SH3BGRL: variants seen among roughly 807,000 people sequenced by gnomAD.
SH3BGRL encodes the protein SH3 domain binding glutamate rich protein like.
In SH3BGRL, 7 loss-of-function variants were observed where a neutral mutation model predicts 9.8. That is an observed-to-expected ratio of 0.72 (90% CI 0.41 to 1.35). The LOEUF is 1.35. SH3BGRL is among the 40% of genes most tolerant of loss of function. The pLI is 0.01. For missense variants in SH3BGRL, 73 were observed against 84.4 expected (o/e 0.86, Z 0.53); for synonymous variants, 36 against 29.1 (o/e 1.24, Z -0.76).
chrX:81,211,483 A>T (rs1359689411), intron 1 of SH3BGRL, among the ~76,000 whole-genome samples: 1 of 110,565 alleles, frequency 9.0e-6, no homozygotes. Context: ...GCTACTCGGG[A>T]GGCTGAGGCA....
At position 81,258,968 on chromosome X, in the gene SH3BGRL, A is replaced by G. The variant is rs139985573; in HGVS notation, c.46-18016A>G. Among the ~76,000 whole-genome samples, 14 of 112,758 alleles carry G rather than the reference A, an allele frequency of 1.2e-4. No homozygotes were observed. The East Asian group carries it at 3.9e-3, about 32-fold the overall frequency. ...TAGAAAAGTAAAAAGAAAAAAAGCTAATGTTATACACAGTAGACTGGCTCA... is the reference window on the plus strand; with the variant it reads ...TAGAAAAGTAAAAAGAAAAAAAGCTGATGTTATACACAGTAGACTGGCTCA... On this transcript the variant is annotated intron_variant, in intron 1 of 3. Transcript: ENST00000373212.
At chrX:81,241,604 G>A in intron 1 of SH3BGRL, among the ~76,000 whole-genome samples, 1 of 111,854 alleles carries the variant, frequency 8.9e-6, no homozygotes, top group South Asian at 3.8e-4. Context: ...TCTCCTGAGT[G>A]TTCTGTCACT....
chrX:81,203,993 G>T (rs1019192708), intron 1 of SH3BGRL, among the ~76,000 whole-genome samples: 1 of 110,613 alleles, frequency 9.0e-6, no homozygotes, highest in Non-Finnish European at 1.9e-5. Context: ...TCTCACCCTG[G>T]TAGTGGGCGT....
intron 2 of SH3BGRL, 42 bp downstream of exon 2, chrX:81,277,211 C>G (rs936881020): frequency 9.3e-7 from 1 of 1,070,076 alleles, no homozygotes; most frequent in East Asian, 3.1e-5. Flanking sequence ...TAATAGATTG[C>G]CCCAAATCTA....
chrX:81,212,231 CAAAAAAT>C (rs1327857145), intron 1 of SH3BGRL, among the ~76,000 whole-genome samples: 4 of 105,310 alleles, frequency 3.8e-5, no homozygotes, highest in Non-Finnish European at 7.7e-5. Flanking sequence ...CCTGTCTCTA[CAAAAAAT>C]AAAAAATAAA....
intron 1 of SH3BGRL, among the ~76,000 whole-genome samples, chrX:81,225,329 C>T (rs765262039): frequency 2.1e-4 from 23 of 110,399 alleles, no homozygotes; most frequent in Admixed American, 1.9e-3. Flanking sequence ...TTTCTTACAT[C>T]GCTATATTAC....
intron 1 of SH3BGRL, among the ~76,000 whole-genome samples, chrX:81,234,151 A>G (rs2075640778): frequency 8.9e-6 from 1 of 111,959 alleles, no homozygotes; most frequent in Admixed American, 9.5e-5. Flanking sequence ...AAAAACATAC[A>G]TAGTCTCTTT....
At chrX:81,282,677 G>T (rs1001762882) in intron 3 of SH3BGRL, among the ~76,000 whole-genome samples, 1 of 111,681 alleles carries the variant, frequency 9.0e-6, no homozygotes, top group African/African-American at 3.3e-5. Flanking sequence ...TACAGCAAAG[G>T]TGGTGCTAAG....
chrX:81,229,536 G>A (rs2075626684), intron 1 of SH3BGRL, among the ~76,000 whole-genome samples: 1 of 111,405 alleles, frequency 9.0e-6, no homozygotes, highest in African/African-American at 3.3e-5. Flanking sequence ...TGGTTGGGGA[G>A]CCAGAAGGGA....
At chrX:81,267,183 T>C (rs1344645269) in intron 1 of SH3BGRL, among the ~76,000 whole-genome samples, 4 of 111,868 alleles carry the variant, frequency 3.6e-5, no homozygotes, top group African/African-American at 1.3e-4. Flanking sequence ...CTTTTCCTAA[T>C]TGAATACCCT....
At chrX:81,274,470 G>A (rs1400067778) in intron 1 of SH3BGRL, among the ~76,000 whole-genome samples, 1 of 110,344 alleles carries the variant, frequency 9.1e-6, no homozygotes, top group East Asian at 2.9e-4. Flanking sequence ...AATTAGCCGG[G>A]TTTGGTGGTG....
intron 3 of SH3BGRL, among the ~76,000 whole-genome samples, chrX:81,295,569 A>T (rs2075871829): frequency 9.0e-6 from 1 of 111,250 alleles, no homozygotes; most frequent in Non-Finnish European, 1.9e-5. Context: ...AAAACAGACT[A>T]ATACAGCCAC....
At chrX:81,261,976 C>T (rs2075742788) in intron 1 of SH3BGRL, among the ~76,000 whole-genome samples, 1 of 111,134 alleles carries the variant, frequency 9.0e-6, no homozygotes, top group Non-Finnish European at 1.9e-5. Flanking sequence ...ATGTTTAATC[C>T]AGGAGATTTA....
intron 1 of SH3BGRL, among the ~76,000 whole-genome samples, chrX:81,208,249 G>A (rs2075553471): frequency 9.0e-6 from 1 of 110,505 alleles, no homozygotes; most frequent in Admixed American, 9.5e-5. Flanking sequence ...GTGACAGAGC[G>A]AGACACCGTC....
chrX:81,244,917 A>T (rs748642954), intron 1 of SH3BGRL, among the ~76,000 whole-genome samples: 3 of 111,805 alleles, frequency 2.7e-5, no homozygotes, highest in Non-Finnish European at 5.6e-5. Context: ...TAGGCAGAGG[A>T]AGAAAAACCT....
At chrX:81,227,929 G>A (rs2075622143) in intron 1 of SH3BGRL, among the ~76,000 whole-genome samples, 1 of 111,423 alleles carries the variant, frequency 9.0e-6, no homozygotes, top group South Asian at 3.7e-4. Flanking sequence ...CTGTGACCAC[G>A]ATGCTTCTTG....
In SH3BGRL at chrX:81,231,122, G is replaced by T. The variant is rs895204874; in HGVS notation, c.45+28877G>T. Among the ~76,000 whole-genome samples, 5 of 112,256 alleles carry T rather than the reference G, an allele frequency of 4.5e-5. No individual in the cohort carries two copies. The East Asian group carries it at 8.3e-4, about 19-fold the overall frequency. On this transcript the variant is annotated intron_variant, in intron 1 of 3. Transcript: ENST00000373212. ...TGGATTGACCTTGGAAAATGTTCATGTAGAAATAGATTTAAATATTATTTT... is the reference window on the plus strand; with the variant it reads ...TGGATTGACCTTGGAAAATGTTCATTTAGAAATAGATTTAAATATTATTTT...
At chrX:81,225,901 T>G (rs776826810) in intron 1 of SH3BGRL, among the ~76,000 whole-genome samples, 1 of 111,908 alleles carries the variant, frequency 8.9e-6, no homozygotes, top group Non-Finnish European at 1.9e-5. Flanking sequence ...TCTTTTTACC[T>G]CACATAGCTT....
chrX:81,265,260 C>T (rs1206608932), intron 1 of SH3BGRL, among the ~76,000 whole-genome samples: 6 of 105,159 alleles, frequency 5.7e-5, no homozygotes, highest in African/African-American at 1.4e-4. Context: ...GCAGAACGTG[C>T]AGTGTTGTTA....
Sources: allele counts gnomAD v4.1 joint callset (sites outside exome capture counted in the v4.1 genomes callset), GRCh38; gene constraint gnomAD v4.1.1; transcripts MANE v1.5; gene names NCBI Gene and HGNC (gene_info 2026-07-23, HGNC 2026-07-21).